The following ATP10A variants were observed in gnomAD, a reference collection of about 807,000 sequenced individuals.
The protein encoded by ATP10A is ATPase phospholipid transporting 10A (putative).
In ATP10A, 111 loss-of-function variants were observed where a neutral mutation model predicts 147.8. That is an observed-to-expected ratio of 0.75 (90% CI 0.64 to 0.88). ATP10A has a LOEUF of 0.88. Among genes scored for constraint, ATP10A ranks in the 40% least tolerant of loss-of-function variants. The pLI is 0.00. For synonymous variants in ATP10A, 875 were observed against 841.6 expected (o/e 1.04, Z -0.69); for missense variants, 1,927 against 1,959.0 (o/e 0.98, Z 0.31).
chr15:25,840,099 C>G (rs191796689), intron 1 of ATP10A, among the ~76,000 whole-genome samples: 161 of 152,284 alleles, frequency 1.1e-3, no homozygotes, highest in African/African-American at 3.9e-3. Context: ...CCCTCATCCC[C>G]CTAAGAATGT....
chr15:25,830,897 G>A (rs997307142), intron 1 of ATP10A, among the ~76,000 whole-genome samples: 1 of 152,226 alleles, frequency 6.6e-6, no homozygotes, highest in Non-Finnish European at 1.5e-5. Flanking sequence ...AAGGAAGCCA[G>A]GAAAATGATT....
At chr15:25,857,198 C>T (rs1297684418) in intron 1 of ATP10A, among the ~76,000 whole-genome samples, 1 of 152,176 alleles carries the variant, frequency 6.6e-6, no homozygotes, top group Non-Finnish European at 1.5e-5. Context: ...CATCCCAGCA[C>T]TTTGGGAGGT....
At chr15:25,840,941 C>A (rs983333696) in intron 1 of ATP10A, among the ~76,000 whole-genome samples, 5 of 152,276 alleles carry the variant, frequency 3.3e-5, no homozygotes, top group Non-Finnish European at 7.4e-5. Context: ...CATCTGCATA[C>A]CTTCTTCAGT....
At chr15:25,791,517 G>C (rs1242703698) in intron 1 of ATP10A, among the ~76,000 whole-genome samples, 1 of 152,116 alleles carries the variant, frequency 6.6e-6, no homozygotes, top group African/African-American at 2.4e-5. Context: ...CTCTGGAGTA[G>C]CTGGGAGTAG....
At chr15:25,850,567 A>G (rs1039830423) in intron 1 of ATP10A, among the ~76,000 whole-genome samples, 1 of 152,110 alleles carries the variant, frequency 6.6e-6, no homozygotes, top group African/African-American at 2.4e-5. Context: ...CTACGCGGCC[A>G]GTTTTGGAGA....
At chr15:25,780,994 G>A (rs1889893102) in intron 2 of ATP10A, 25 bp downstream of exon 2, 3 of 1,610,990 alleles carry the variant, frequency 1.9e-6, no homozygotes, top group South Asian at 1.1e-5. Context: ...ATGCCTGCAA[G>A]GCCCTGGAAA....
chr15:25,799,591 A>C (rs1194427904), intron 1 of ATP10A, among the ~76,000 whole-genome samples: 2 of 152,174 alleles, frequency 1.3e-5, no homozygotes, highest in African/African-American at 2.4e-5. Flanking sequence ...AATTCAAGAC[A>C]GGCATGGAAG....
At chr15:25,744,007 G>A (rs1887704150) in intron 2 of ATP10A, among the ~76,000 whole-genome samples, 1 of 152,048 alleles carries the variant, frequency 6.6e-6, no homozygotes, top group Admixed American at 6.6e-5. Context: ...GCATCTTTCG[G>A]GGGACCACTA....
At chr15:25,728,333 G>A (rs1414537537) in intron 3 of ATP10A, among the ~76,000 whole-genome samples, 1 of 152,226 alleles carries the variant, frequency 6.6e-6, no homozygotes, top group East Asian at 1.9e-4. Context: ...CCACAAGTCA[G>A]TTATTTACCA....
chr15:25,729,308 G>A (rs1390331439), intron 3 of ATP10A, among the ~76,000 whole-genome samples: 1 of 152,144 alleles, frequency 6.6e-6, no homozygotes, highest in Non-Finnish European at 1.5e-5. Flanking sequence ...TCAATATGGT[G>A]AAACCCCGTC....
chr15:25,708,208 T>G lies in ATP10A; in HGVS notation c.2437A>C (p.Ile813Leu). 6.2e-7 allele frequency: 1 copy of G among 1,614,230 alleles called. No homozygotes were observed. Among genetic ancestry groups the G allele is most frequent in the Non-Finnish European group, 8.5e-7 (1 of 1,180,032 alleles). ...YAAEGLRTLC[I>L]AKRVLSKEEY... ...ACACCCCCACTCACTCTCTTGGCGATGCACAAGGTGCGCAGGCCTTCCGCC... is the reference window on the plus strand; with the variant it reads ...ACACCCCCACTCACTCTCTTGGCGAGGCACAAGGTGCGCAGGCCTTCCGCC... Residue 813 changes from isoleucine (I) to leucine (L), a missense_variant, in exon 11 of 21, where the codon ATC becomes CTC. Coordinates refer to ENST00000555815, the MANE Select transcript of ATP10A (RefSeq NM_024490.4).
intron 6 of ATP10A, among the ~76,000 whole-genome samples, 195 bp from the exon 7 acceptor site, chr15:25,722,104 T>C (rs1252662120): frequency 6.6e-6 from 1 of 152,126 alleles, no homozygotes; most frequent in African/African-American, 2.4e-5. Flanking sequence ...GAGAATAAAC[T>C]AGGACAGCTT....
chr15:25,810,999 C>G (rs1384835343), intron 1 of ATP10A, among the ~76,000 whole-genome samples: 1 of 152,104 alleles, frequency 6.6e-6, no homozygotes, highest in African/African-American at 2.4e-5. Context: ...TGGAAGGAGG[C>G]GGGAGGATCA....
chr15:25,844,861 C>T (rs1240779241), intron 1 of ATP10A, among the ~76,000 whole-genome samples: 2 of 152,222 alleles, frequency 1.3e-5, no homozygotes, highest in Non-Finnish European at 2.9e-5. Flanking sequence ...CATGAGGTGG[C>T]TTCAGCTTGT....
chr15:25,771,109 C>A (rs1315090388), intron 2 of ATP10A, among the ~76,000 whole-genome samples: 1 of 152,120 alleles, frequency 6.6e-6, no homozygotes, highest in Non-Finnish European at 1.5e-5. Context: ...TCTGTGTAAG[C>A]CCCTAATCAA....
At chr15:25,759,109 T>G (rs1888612684) in intron 2 of ATP10A, among the ~76,000 whole-genome samples, 1 of 152,254 alleles carries the variant, frequency 6.6e-6, no homozygotes. Context: ...TGTCCAAATG[T>G]GCACTCGCCA....
intron 10 of ATP10A, chr15:25,709,513 GTGACAC>G (rs989361908): frequency 1.3e-5 from 2 of 152,250 alleles, no homozygotes; most frequent in African/African-American, 4.8e-5. Flanking sequence ...GGTACCGGGT[GTGACAC>G]TGAGATTAAC....
At chr15:25,750,433 T>C (rs527522270) in intron 2 of ATP10A, among the ~76,000 whole-genome samples, 19 of 151,962 alleles carry the variant, frequency 1.3e-4, no homozygotes, top group African/African-American at 4.3e-4. Flanking sequence ...CACAGATCCA[T>C]ACCAGAAAAA....
At chr15:25,810,884 C>T (rs1014082870) in intron 1 of ATP10A, among the ~76,000 whole-genome samples, 1 of 152,054 alleles carries the variant, frequency 6.6e-6, no homozygotes, top group Non-Finnish European at 1.5e-5. Context: ...GGAGGGCAGC[C>T]GAGATCCTCA....
Sources: gnomAD v4.1 joint callset for allele counts (sites outside exome capture counted in the v4.1 genomes callset) on GRCh38, gnomAD v4.1.1 for gene constraint, MANE v1.5 for transcripts, NCBI Gene and HGNC (gene_info 2026-07-23, HGNC 2026-07-21) for gene names.